Variants in ADGRL2 observed in about 807,000 individuals in gnomAD.
The protein encoded by ADGRL2 is adhesion G protein-coupled receptor L2.
A neutral mutation model predicts 157.4 loss-of-function variants in ADGRL2; 44 were observed. The observed-to-expected ratio is 0.28, with a 90% CI of 0.22 to 0.36. ADGRL2 has a LOEUF of 0.36. Among genes scored for constraint, ADGRL2 ranks in the 10% least tolerant of loss-of-function variants. ADGRL2 has a pLI of 1.00. For missense variants in ADGRL2, 1,510 were observed against 1,768.9 expected (o/e 0.85, Z 2.63); for synonymous variants, 585 against 624.7 (o/e 0.94, Z 0.95).
intron 2 of ADGRL2, among the ~76,000 whole-genome samples, chr1:81,883,164 CT>C (rs137969150): frequency 5.6e-4 from 85 of 152,162 alleles, no homozygotes; most frequent in African/African-American, 1.9e-3. Context: ...GGGTATGTTT[CT>C]TTAGTCTGAG....
chr1:81,954,297 A>G (rs1209522597), intron 10 of ADGRL2, among the ~76,000 whole-genome samples: 3 of 152,118 alleles, frequency 2.0e-5, no homozygotes, highest in East Asian at 1.9e-4. Context: ...AGACGAGTAC[A>G]AATAGTAATA....
intron 3 of ADGRL2, among the ~76,000 whole-genome samples, chr1:81,644,338 G>A (rs187774915): frequency 6.6e-6 from 1 of 152,144 alleles, no homozygotes; most frequent in African/African-American, 2.4e-5. Flanking sequence ...AAAAACAAAG[G>A]CATAATCTAT....
chr1:81,898,132 GCTTCTA>G (rs2094426856), intron 2 of ADGRL2, among the ~76,000 whole-genome samples: 1 of 152,090 alleles, frequency 6.6e-6, no homozygotes. Context: ...CAAAAAAACA[GCTTCTA>G]AACCAAAATG....
At chr1:81,439,727 C>A (rs1159218125) in intron 1 of ADGRL2, among the ~76,000 whole-genome samples, 1 of 152,214 alleles carries the variant, frequency 6.6e-6, no homozygotes, top group Non-Finnish European at 1.5e-5. Context: ...CATTCACAGA[C>A]GGTGGTGTGT....
At chr1:81,484,931 T>TACAAAA (rs1396153810) in intron 2 of ADGRL2, among the ~76,000 whole-genome samples, 1 of 152,160 alleles carries the variant, frequency 6.6e-6, no homozygotes. Context: ...AAATCCAGTT[T>TACAAAA]TGTTTTCATT....
intron 1 of ADGRL2, among the ~76,000 whole-genome samples, chr1:81,396,603 T>C (rs974976447): frequency 6.6e-5 from 10 of 152,178 alleles, no homozygotes. Flanking sequence ...CTTTCAGCTT[T>C]TCTCAGTTCA....
intron 3 of ADGRL2, among the ~76,000 whole-genome samples, chr1:81,923,123 G>C (rs1451127388): frequency 4.6e-5 from 7 of 152,136 alleles, no homozygotes; most frequent in Admixed American, 4.6e-4. Context: ...ATGCCTTGTT[G>C]CTTTCTTATC....
chr1:81,544,838 A>T (rs2079973969), intron 2 of ADGRL2, among the ~76,000 whole-genome samples: 1 of 152,208 alleles, frequency 6.6e-6, no homozygotes, highest in Admixed American at 6.5e-5. Context: ...ACAGTGATGT[A>T]TCAAATGACC....
chr1:81,723,680 A>G (rs2084414216), intron 1 of ADGRL2, among the ~76,000 whole-genome samples: 1 of 152,216 alleles, frequency 6.6e-6, no homozygotes, highest in Admixed American at 6.5e-5. Context: ...ATTTATTTCA[A>G]TAAAACTAAC....
At chr1:81,311,870 C>T (rs1293782266) in intron 1 of ADGRL2, among the ~76,000 whole-genome samples, 1 of 151,980 alleles carries the variant, frequency 6.6e-6, no homozygotes, top group Non-Finnish European at 1.5e-5. Flanking sequence ...AAGAAGGAGA[C>T]TGAAAGACAA....
intron 2 of ADGRL2, among the ~76,000 whole-genome samples, chr1:81,793,130 G>A (rs2087428522): frequency 6.6e-6 from 1 of 151,868 alleles, no homozygotes; most frequent in Admixed American, 6.6e-5. Flanking sequence ...GCGAAATTTT[G>A]GCATAGTTTC....
intron 1 of ADGRL2, among the ~76,000 whole-genome samples, chr1:81,423,858 A>G (rs1197126557): frequency 6.6e-6 from 1 of 152,208 alleles, no homozygotes; most frequent in Non-Finnish European, 1.5e-5. Context: ...TTTTTAAAAA[A>G]TATAAAGCCA....
intron 1 of ADGRL2, among the ~76,000 whole-genome samples, chr1:81,430,276 A>G (rs2077296697): frequency 6.6e-6 from 1 of 152,220 alleles, no homozygotes; most frequent in Non-Finnish European, 1.5e-5. Flanking sequence ...TTGATGAAAA[A>G]TAAAGCAAGG....
intron 3 of ADGRL2, among the ~76,000 whole-genome samples, chr1:81,642,484 C>T (rs1294105987): frequency 6.7e-6 from 1 of 148,528 alleles, no homozygotes; most frequent in African/African-American, 2.5e-5. Flanking sequence ...AAAACTCATA[C>T]AAAAAGAAAT....
intron 2 of ADGRL2, among the ~76,000 whole-genome samples, chr1:81,560,049 T>C (rs1236634169): frequency 6.6e-6 from 1 of 152,172 alleles, no homozygotes; most frequent in African/African-American, 2.4e-5. Context: ...AAAGAAGAGA[T>C]ACCTTTTTTT....
chr1:81,954,846 G>A (rs1378498282), intron 10 of ADGRL2, among the ~76,000 whole-genome samples: 1 of 152,102 alleles, frequency 6.6e-6, no homozygotes, highest in Non-Finnish European at 1.5e-5. Context: ...AGTACCTCAC[G>A]CTAGCAATTT....
chr1:81,932,945 A>G (rs2095255887), intron 3 of ADGRL2, among the ~76,000 whole-genome samples: 1 of 151,922 alleles, frequency 6.6e-6, no homozygotes, highest in South Asian at 2.1e-4. Context: ...CAGGTGATCC[A>G]CCCACCTCGG....
intron 2 of ADGRL2, among the ~76,000 whole-genome samples, chr1:81,574,315 C>T (rs1031612556): frequency 1.3e-5 from 2 of 152,040 alleles, no homozygotes; most frequent in South Asian, 2.1e-4. Flanking sequence ...AAAGGAAGCA[C>T]CTGCTTTCCG....
At chr1:81,815,222 T>G (rs1474926134) in intron 1 of ADGRL2, among the ~76,000 whole-genome samples, 1 of 151,856 alleles carries the variant, frequency 6.6e-6, no homozygotes, top group Non-Finnish European at 1.5e-5. Context: ...AAAGATACTG[T>G]TATTTTGACC....
Sources: gnomAD v4.1 joint callset for allele counts (sites outside exome capture counted in the v4.1 genomes callset) on GRCh38, gnomAD v4.1.1 for gene constraint, MANE v1.5 for transcripts, NCBI Gene and HGNC (gene_info 2026-07-23, HGNC 2026-07-21) for gene names.